ROBO2: variants seen among roughly 807,000 people sequenced by gnomAD.
The protein encoded by ROBO2 is roundabout homolog 2.
ROBO2 carries 53 observed loss-of-function variants against 160.8 expected under a neutral mutation model. The ratio of observed to expected loss-of-function variants is 0.33; its 90% confidence interval spans 0.26 to 0.41. The LOEUF is 0.41. Ranked by LOEUF, ROBO2 falls within the 10% of genes least tolerant of loss-of-function variation. The pLI is 1.00. For synonymous variants in ROBO2, 664 were observed against 611.7 expected, an observed-to-expected ratio of 1.09 and a Z score of -1.26; for missense variants, 1,577 against 1,722.4, an observed-to-expected ratio of 0.92 and a Z score of 1.49.
chr3:75,962,648 G>A (rs1441618851), intron 2 of ROBO2, among the ~76,000 whole-genome samples: 1 of 151,826 alleles, frequency 6.6e-6, no homozygotes, highest in Non-Finnish European at 1.5e-5. Flanking sequence ...GTTATTTCAA[G>A]TTAGTATATT....
intron 2 of ROBO2, among the ~76,000 whole-genome samples, chr3:76,359,948 G>T (rs1297351883): frequency 6.6e-6 from 1 of 152,006 alleles, no homozygotes; most frequent in African/African-American, 2.4e-5. Context: ...CCAGCTGCCA[G>T]TTTCAAGCAA....
chr3:76,603,058 G>A (rs1164445617), intron 2 of ROBO2, among the ~76,000 whole-genome samples: 2 of 151,916 alleles, frequency 1.3e-5, no homozygotes, highest in African/African-American at 2.4e-5. Context: ...GAGGCTGGGC[G>A]CAGTGGCTCA....
chr3:77,422,732 C>T (rs1003515289), intron 2 of ROBO2, among the ~76,000 whole-genome samples: 1 of 152,166 alleles, frequency 6.6e-6, no homozygotes, highest in African/African-American at 2.4e-5. Context: ...TGCCTGGACA[C>T]TCACAGTGAT....
intron 2 of ROBO2, among the ~76,000 whole-genome samples, chr3:77,355,713 T>C (rs555027825): frequency 7.9e-5 from 12 of 152,236 alleles, no homozygotes; most frequent in African/African-American, 2.9e-4. Flanking sequence ...TAATTTTAGA[T>C]TGAAGAAAAA....
At chr3:76,651,327 T>C (rs2091248479) in intron 2 of ROBO2, among the ~76,000 whole-genome samples, 1 of 152,018 alleles carries the variant, frequency 6.6e-6, no homozygotes, top group Non-Finnish European at 1.5e-5. Flanking sequence ...CTTCCAACCA[T>C]TGTTGTCCCT....
intron 2 of ROBO2, among the ~76,000 whole-genome samples, chr3:76,705,022 C>T (rs2093131113): frequency 6.6e-6 from 1 of 152,130 alleles, no homozygotes; most frequent in South Asian, 2.1e-4. Context: ...CTTTGTACCA[C>T]ATACAGCCTC....
chr3:76,882,393 C>T (rs1255820580), intron 2 of ROBO2, among the ~76,000 whole-genome samples: 1 of 152,102 alleles, frequency 6.6e-6, no homozygotes, highest in Non-Finnish European at 1.5e-5. Context: ...GTTTTACCTA[C>T]TAAGTTCACA....
chr3:76,408,611 G>A (rs1360503158), intron 2 of ROBO2, among the ~76,000 whole-genome samples: 2 of 152,014 alleles, frequency 1.3e-5, no homozygotes, highest in Non-Finnish European at 2.9e-5. Flanking sequence ...ATACATCAAT[G>A]TGCAAATATA....
At chr3:75,937,154 C>T (rs1422537227) in intron 1 of ROBO2, among the ~76,000 whole-genome samples, 1 of 151,976 alleles carries the variant, frequency 6.6e-6, no homozygotes, top group Non-Finnish European at 1.5e-5. Flanking sequence ...AAGTAGTGTC[C>T]ATACACAATT....
chr3:77,144,753 G>A (rs1321460810), intron 2 of ROBO2, among the ~76,000 whole-genome samples: 2 of 152,180 alleles, frequency 1.3e-5, no homozygotes, highest in African/African-American at 2.4e-5. Context: ...AGAAGGAGGT[G>A]TAGATAAGTA....
chr3:77,127,529 T>C (rs2075453418), intron 2 of ROBO2, among the ~76,000 whole-genome samples: 1 of 151,874 alleles, frequency 6.6e-6, no homozygotes, highest in Admixed American at 6.5e-5. Flanking sequence ...ATTTACCAAC[T>C]TGAAAGAAGG....
intron 2 of ROBO2, among the ~76,000 whole-genome samples, chr3:76,342,706 T>C (rs1246486274): frequency 6.6e-6 from 1 of 152,086 alleles, no homozygotes; most frequent in African/African-American, 2.4e-5. Flanking sequence ...TAGAGTATGG[T>C]AGGGAATTTT....
At chr3:76,261,447 G>A (rs1706757645) in intron 2 of ROBO2, among the ~76,000 whole-genome samples, 1 of 151,252 alleles carries the variant, frequency 6.6e-6, no homozygotes, top group South Asian at 2.1e-4. Context: ...TTTTTGGGGG[G>A]GAACTATACT....
intron 2 of ROBO2, among the ~76,000 whole-genome samples, chr3:77,239,991 C>T (rs557524769): frequency 2.0e-5 from 3 of 152,200 alleles, no homozygotes; most frequent in African/African-American, 7.2e-5. Flanking sequence ...TAAAAGTTCT[C>T]CAAGTCCCCA....
intron 1 of ROBO2, among the ~76,000 whole-genome samples, chr3:77,044,183 G>A (rs796397225): frequency 6.6e-6 from 1 of 151,854 alleles, no homozygotes; most frequent in South Asian, 2.1e-4. Flanking sequence ...AAAAAGTAAT[G>A]ATTATATAAA....
chr3:76,844,111 CTTGT>C (rs2068559068), intron 2 of ROBO2, among the ~76,000 whole-genome samples: 2 of 151,942 alleles, frequency 1.3e-5, no homozygotes, highest in Admixed American at 6.6e-5. Context: ...GTTTTTTATG[CTTGT>C]TTGTTTCCCC....
intron 2 of ROBO2, among the ~76,000 whole-genome samples, chr3:76,625,414 A>G (rs776495280): frequency 1.2e-4 from 19 of 152,216 alleles, no homozygotes; most frequent in Non-Finnish European, 1.9e-4. Context: ...GCAGCAAACA[A>G]CACAGCCAGA....
At chr3:77,522,726 A>G in intron 5 of ROBO2, 49 bp from the exon 6 acceptor site, 1 of 1,572,126 alleles carries the variant, frequency 6.4e-7, no homozygotes, top group Non-Finnish European at 8.7e-7. Context: ...TAATGTTATT[A>G]TCCGTATAGC....
chr3:76,685,286 G>C (rs1304702021), intron 2 of ROBO2, among the ~76,000 whole-genome samples: 2 of 150,982 alleles, frequency 1.3e-5, no homozygotes, highest in African/African-American at 4.9e-5. Context: ...AAGCACAATG[G>C]GGACTCAAGA....
Sources: allele counts gnomAD v4.1 joint callset (sites outside exome capture counted in the v4.1 genomes callset), GRCh38; gene constraint gnomAD v4.1.1; transcripts MANE v1.5; gene names NCBI Gene and HGNC (gene_info 2026-07-23, HGNC 2026-07-21).